Variants in TOGARAM1 observed in about 807,000 individuals in gnomAD.
TOGARAM1 encodes the protein TOG array regulator of axonemal microtubules 1.
In TOGARAM1, 100 loss-of-function variants were observed where a neutral mutation model predicts 166.6. The observed-to-expected ratio is 0.60, with a 90% CI of 0.51 to 0.71. The LOEUF is 0.71. Ranked by LOEUF, TOGARAM1 falls within the 30% of genes least tolerant of loss-of-function variation. The pLI is 0.00. For synonymous variants in TOGARAM1, 758 were observed against 763.8 expected (o/e 0.99, Z 0.13); for missense variants, 2,029 against 2,102.7 (o/e 0.96, Z 0.69).
At chr14:45,033,823 T>C (rs1881289866) in intron 11 of TOGARAM1, among the ~76,000 whole-genome samples, 1 of 152,168 alleles carries the variant, frequency 6.6e-6, no homozygotes, top group South Asian at 2.1e-4. Context: ...GTATTTGCCC[T>C]CATAACGTGA....
intron 7 of TOGARAM1, among the ~76,000 whole-genome samples, chr14:45,012,308 G>A (rs1879855062): frequency 6.6e-6 from 1 of 152,100 alleles, no homozygotes; most frequent in Non-Finnish European, 1.5e-5. Flanking sequence ...GCATACCTAT[G>A]GCTGGCTCCT....
At chr14:45,015,828 A>T (rs529744466) in intron 7 of TOGARAM1, among the ~76,000 whole-genome samples, 1 of 152,284 alleles carries the variant, frequency 6.6e-6, no homozygotes, top group East Asian at 1.9e-4. Flanking sequence ...ATCCCTATGT[A>T]GTTTACTGCC....
At chr14:44,993,320 A>G (rs2138801350) in intron 1 of TOGARAM1, among the ~76,000 whole-genome samples, 1 of 150,428 alleles carries the variant, frequency 6.6e-6, no homozygotes, top group Non-Finnish European at 1.5e-5. Context: ...CAAAAACAAA[A>G]AAAGATTGAA....
At chr14:45,022,139 T>C (rs1880553222) in intron 7 of TOGARAM1, among the ~76,000 whole-genome samples, 1 of 152,008 alleles carries the variant, frequency 6.6e-6, no homozygotes, top group Admixed American at 6.6e-5. Flanking sequence ...ACATCTGCGA[T>C]AGTCCCTGGG....
At chr14:44,964,651 G>A (rs73346351) in intron 1 of TOGARAM1, among the ~76,000 whole-genome samples, 184 bp downstream of exon 1, 16,421 of 151,914 alleles carry the variant, frequency 0.11, 1,267 homozygotes, top group African/African-American at 0.22. Flanking sequence ...CATTTAATAG[G>A]CTTCCTGCTT....
At chr14:45,039,656 C>T (rs568086115) in intron 11 of TOGARAM1, among the ~76,000 whole-genome samples, 1 of 152,276 alleles carries the variant, frequency 6.6e-6, no homozygotes, top group African/African-American at 2.4e-5. Flanking sequence ...CAACTTTGCT[C>T]CAAAATTGGA....
intron 4 of TOGARAM1, among the ~76,000 whole-genome samples, chr14:45,004,651 A>G (rs938572471): frequency 3.0e-4 from 46 of 152,174 alleles, no homozygotes; most frequent in Admixed American, 2.5e-3. Context: ...GGGTCCTACT[A>G]TGTTGACCAG....
At chr14:44,993,310 CA>C (rs956703091) in intron 1 of TOGARAM1, among the ~76,000 whole-genome samples, 1 of 151,086 alleles carries the variant, frequency 6.6e-6, no homozygotes, top group African/African-American at 2.4e-5. Context: ...AAAACAAAAA[CA>C]AAAACAAAAA....
chr14:45,011,202 A>G (rs947187594), intron 6 of TOGARAM1, among the ~76,000 whole-genome samples: 1 of 152,156 alleles, frequency 6.6e-6, no homozygotes, highest in African/African-American at 2.4e-5. Context: ...CATTTACCAA[A>G]CTTACTCATT....
intron 16 of TOGARAM1, among the ~76,000 whole-genome samples, chr14:45,060,786 C>T (rs1882869218): frequency 6.6e-6 from 1 of 152,158 alleles, no homozygotes; most frequent in Non-Finnish European, 1.5e-5. Context: ...TGCAAGAACA[C>T]CACAGAAGTG....
chr14:45,031,718 T>C (rs919605621), intron 10 of TOGARAM1, among the ~76,000 whole-genome samples: 4 of 152,224 alleles, frequency 2.6e-5, no homozygotes, highest in African/African-American at 9.6e-5. Context: ...AGTAAAGTTT[T>C]CAATAGTTTT....
chr14:45,066,781 A>G lies in TOGARAM1; in HGVS notation c.4749+14A>G, dbSNP rs758460875. 1.2e-6 allele frequency: 2 copies of G among 1,603,850 alleles called. No homozygotes were observed. Among genetic ancestry groups the G allele is most frequent in the South Asian group, 2.2e-5 (2 of 90,210 alleles). On this transcript the variant is annotated intron_variant, in intron 17 of 19. Coordinates refer to ENST00000361462, the MANE Select transcript of TOGARAM1 (RefSeq NM_001308120.2). ...AACATTGTGAAGGTAAGGACTTGTC[A>G]GAATTAATTTTAATGTGGGTATGGT...
At chr14:45,053,860 G>A (rs902520289) in intron 15 of TOGARAM1, among the ~76,000 whole-genome samples, 6 of 151,452 alleles carry the variant, frequency 4.0e-5, no homozygotes, top group East Asian at 3.8e-4. Context: ...GAGTAGTTAC[G>A]AAATACAGCA....
At chr14:45,044,950 A>G (rs1881915330) in intron 13 of TOGARAM1, 80 bp downstream of exon 13, 1 of 1,007,376 alleles carries the variant, frequency 9.9e-7, no homozygotes, top group Admixed American at 2.7e-5. Context: ...AGAAACAAGC[A>G]AATCTTAGTA....
rs528230323 is a variant in TOGARAM1 at position 45,006,178 on chromosome 14, C to T, written c.2815C>T (p.Pro939Ser). 1.2e-6 allele frequency: 2 copies of T among 1,613,784 alleles called. No individual in the cohort carries two copies. The highest frequency in any genetic ancestry group is 2.7e-5 in the African/African-American group (2 of 74,954). The stretch of plus-strand genomic sequence containing the variant: ...CACAGTGGGACACAAAAAGAAAGAG[C>T]CTGATGATATTTGGAAGTGTGAAAA... ...LSTVGHKKKE[P>S]DDIWKCEKDS... The change falls in exon 5 of 20, where the codon CCT (proline) becomes TCT (serine). Residue 939 changes from proline (P) to serine (S), a missense_variant. Pro to Ser is a moderately conservative substitution (Grantham distance 74). Coordinates refer to ENST00000361462, the MANE Select transcript of TOGARAM1 (RefSeq NM_001308120.2).
intron 16 of TOGARAM1, among the ~76,000 whole-genome samples, chr14:45,064,288 T>A (rs185492445): frequency 8.2e-4 from 125 of 152,136 alleles, no homozygotes; most frequent in Non-Finnish European, 1.5e-3. Flanking sequence ...AATTAAAAAA[T>A]ATATTTTTTA....
Position 45,006,106 on chromosome 14 carries a change from C to T in TOGARAM1, c.2743C>T (p.Pro915Ser). 6.2e-7 allele frequency: 1 copy of T among 1,614,076 alleles called. No individual in the cohort carries two copies. Among genetic ancestry groups the T allele is most frequent in the Non-Finnish European group, 8.5e-7 (1 of 1,179,976 alleles). Residue 915 changes from proline to serine, a missense_variant, in exon 5 of 20, where the codon CCC (proline) becomes TCC (serine). Transcript: ENST00000361462. ...RGLNGTKPVP[P>S]IPRGISLLPD... ...TCTAAATGGGACAAAGCCTGTTCCT[C>T]CCATACCAAGGGGAATAAGCCTTTT...
rs997212006 is a variant in TOGARAM1, at chr14:45,028,300, A to T, written c.3629A>T (p.His1210Leu). 1 of 1,588,970 alleles carries T rather than the reference A, an allele frequency of 6.3e-7. No homozygotes were observed. The highest frequency in any genetic ancestry group is 8.5e-7 in the Non-Finnish European group (1 of 1,174,246). ...AAAAATTCCTGGGAACGAATGAGAC[A>T]TACAGGAACTGAGAAAATGGCATCT... is the stretch of plus-strand genomic sequence containing the variant. ...KEKNSWERMR[H>L]TGTEKMASES... Residue 1210 changes from histidine to leucine, a missense_variant, in exon 10 of 20, where the codon CAT (histidine) becomes CTT (leucine). Coordinates refer to ENST00000361462, the MANE Select transcript of TOGARAM1 (RefSeq NM_001308120.2).
intron 2 of TOGARAM1, chr14:44,997,192 A>C (rs1887456961): frequency 6.6e-6 from 1 of 152,284 alleles, no homozygotes; most frequent in Admixed American, 6.6e-5. Context: ...CAGATCACGC[A>C]GTCAAGAGAC....
Sources: allele counts gnomAD v4.1 joint callset (sites outside exome capture counted in the v4.1 genomes callset), GRCh38; gene constraint gnomAD v4.1.1; transcripts MANE v1.5; gene names NCBI Gene and HGNC (gene_info 2026-07-23, HGNC 2026-07-21).